PRDM4: variants seen among roughly 807,000 people sequenced by gnomAD.
PRDM4 encodes PR domain zinc finger protein 4.
Under a neutral mutation model 62.3 loss-of-function variants are expected in PRDM4, and 38 were observed. That is an observed-to-expected ratio of 0.61 (90% CI 0.47 to 0.80). The LOEUF is 0.80. Among genes scored for constraint, PRDM4 ranks in the 30% least tolerant of loss-of-function variants. The pLI, the probability that PRDM4 is intolerant of heterozygous loss-of-function variation, is 0.00. For missense variants in PRDM4, 858 were observed against 997.1 expected (o/e 0.86, Z 1.88); for synonymous variants, 339 against 348.2 (o/e 0.97, Z 0.30).
intron 7 of PRDM4, 46 bp from the exon 8 acceptor site, chr12:107,743,328 A>C (rs1890581240): frequency 3.0e-6 from 4 of 1,344,582 alleles, no homozygotes; most frequent in Non-Finnish European, 4.3e-6. Context: ...CTGACATGCA[A>C]TAAAGCACTA....
At chr12:107,734,625 CCTT>C in intron 11 of PRDM4, 103 bp from the exon 12 acceptor site, 1 of 1,107,410 alleles carries the variant, frequency 9.0e-7, no homozygotes, top group Non-Finnish European at 1.3e-6. Context: ...GCAGCTCTAT[CCTT>C]CTGAATCAGG....
intron 10 of PRDM4, among the ~76,000 whole-genome samples, chr12:107,740,694 A>G (rs1053142319): frequency 1.3e-5 from 2 of 152,122 alleles, no homozygotes; most frequent in African/African-American, 4.8e-5. Context: ...ATTTAAGACC[A>G]AACACATTGA....
At position 107,740,947 on chromosome 12, in the gene PRDM4, T is replaced by A. The variant is rs761861088; in HGVS notation, c.1923A>T (p.Thr641=). ...TTCTGATGGGCCAACACAACTTACC[T>A]GTATGTATCTTGAGGTGGGTCCGCA... ...SNLRTHLKIH[T]GQKNYRCTLC... Residue 641 remains threonine (T), a splice_region_variant and synonymous_variant, in exon 10 of 12, where the codon ACA becomes ACT. Coordinates refer to ENST00000228437, the MANE Select transcript of PRDM4 (RefSeq NM_012406.4). 1 of 1,612,080 alleles carries A rather than the reference T, an allele frequency of 6.2e-7. No individual in the cohort carries two copies. Among genetic ancestry groups the A allele is most frequent in the Non-Finnish European group, 8.5e-7 (1 of 1,178,622 alleles).
chr12:107,759,608 G>A (rs1001753181), intron 2 of PRDM4, among the ~76,000 whole-genome samples: 3 of 152,154 alleles, frequency 2.0e-5, no homozygotes, highest in Admixed American at 1.3e-4. Flanking sequence ...GCAGATTTCT[G>A]CTTTGTTGTG....
intron 11 of PRDM4, chr12:107,736,722 T>C (rs1049429955): frequency 3.3e-5 from 5 of 151,618 alleles, no homozygotes; most frequent in Admixed American, 1.3e-4. Context: ...TGTTGCGGAG[T>C]AGATGAGGAG....
At chr12:107,739,697 T>A in intron 10 of PRDM4, 146 bp from the exon 11 acceptor site, 1 of 700,560 alleles carries the variant, frequency 1.4e-6, no homozygotes, top group Admixed American at 3.3e-5. Flanking sequence ...GGGTTGTCTA[T>A]GTGAGACCAC....
intron 5 of PRDM4, among the ~76,000 whole-genome samples, chr12:107,747,336 CCA>C (rs896252738): frequency 1.3e-5 from 2 of 151,622 alleles, no homozygotes; most frequent in African/African-American, 4.8e-5. Context: ...GGCTCTGACC[CCA>C]GTGACCTATG....
chr12:107,739,636 C>T, intron 10 of PRDM4, 85 bp from the exon 11 acceptor site: 1 of 1,377,330 alleles, frequency 7.3e-7, no homozygotes, highest in Admixed American at 2.1e-5. Context: ...GTGCATGCAG[C>T]AGAGGCAGGA....
chr12:107,756,749 G>C lies in PRDM4; in HGVS notation c.145+83C>G, dbSNP rs906780580. 5 of 1,500,642 alleles carry C rather than the reference G, an allele frequency of 3.3e-6. No individual in the cohort carries two copies. The African/African-American group carries it at 6.9e-5, about 21-fold the overall frequency. 93.0% of individuals were successfully genotyped at this position (1,500,642 alleles called of 1,614,324 possible). ...TCCCTTCTACCTTCTACCCTTAAAG[G>C]GGCTCTGATCTCTTCTAGACTCCAT... is the stretch of plus-strand genomic sequence containing the variant. On this transcript the variant is annotated intron_variant, in intron 3 of 11. Transcript: ENST00000228437.
chr12:107,760,481 G>A (rs1039889392), intron 2 of PRDM4, 24 bp downstream of exon 2: 1 of 1,613,212 alleles, frequency 6.2e-7, no homozygotes, highest in African/African-American at 1.3e-5. Context: ...TGTCACCAGT[G>A]CTGAAGCCCA....
chr12:107,751,227 G>A (rs1011666745), intron 5 of PRDM4, among the ~76,000 whole-genome samples, 188 bp downstream of exon 5: 4 of 152,204 alleles, frequency 2.6e-5, no homozygotes, highest in Non-Finnish European at 5.9e-5. Context: ...CTAAATGTAT[G>A]TATATCATTT....
chr12:107,738,285 A>C (rs1247435170), intron 11 of PRDM4: 1 of 152,186 alleles, frequency 6.6e-6, no homozygotes, highest in African/African-American at 2.4e-5. Flanking sequence ...ATTTCTGTCT[A>C]ATTTTGTAAA....
intron 4 of PRDM4, 36 bp from the exon 5 acceptor site, chr12:107,752,245 T>TA: frequency 6.9e-7 from 1 of 1,454,520 alleles, no homozygotes; most frequent in Non-Finnish European, 9.6e-7. Flanking sequence ...CAGAGACTTT[T>TA]AGTACATTAT....
chr12:107,747,896 A>G (rs531290259), intron 5 of PRDM4, among the ~76,000 whole-genome samples: 1 of 152,234 alleles, frequency 6.6e-6, no homozygotes, highest in East Asian at 1.9e-4. Flanking sequence ...GACCACAGGC[A>G]TGCACCACCA....
At chr12:107,751,174 T>C (rs539092484) in intron 5 of PRDM4, among the ~76,000 whole-genome samples, 86 of 152,340 alleles carry the variant, frequency 5.6e-4, no homozygotes, top group Non-Finnish European at 9.8e-4. Flanking sequence ...CAAAAATGAC[T>C]ACTTCACATT....
chr12:107,745,582 A>T (rs1890675261), intron 6 of PRDM4, among the ~76,000 whole-genome samples: 1 of 152,210 alleles, frequency 6.6e-6, no homozygotes, highest in Non-Finnish European at 1.5e-5. Context: ...CCAGTCTCTT[A>T]AAAATAAATA....
chr12:107,742,088 G>C, intron 9 of PRDM4, 133 bp downstream of exon 9: 1 of 972,412 alleles, frequency 1.0e-6, no homozygotes, highest in Non-Finnish European at 1.5e-6. Context: ...TCAAATACAA[G>C]TAATAGTTTG....
At chr12:107,752,988 T>C (rs1371567863) in intron 4 of PRDM4, among the ~76,000 whole-genome samples, 1 of 152,074 alleles carries the variant, frequency 6.6e-6, no homozygotes, top group Admixed American at 6.6e-5. Flanking sequence ...AGGATAATTA[T>C]GAAAACCACG....
intron 5 of PRDM4, among the ~76,000 whole-genome samples, 177 bp from the exon 6 acceptor site, chr12:107,746,601 G>C (rs1424059114): frequency 6.6e-6 from 1 of 151,584 alleles, no homozygotes; most frequent in Non-Finnish European, 1.5e-5. Context: ...TCTCCTGTCT[G>C]AGCCTCCCAT....
Sources: gnomAD v4.1 joint callset for allele counts (sites outside exome capture counted in the v4.1 genomes callset) on GRCh38, gnomAD v4.1.1 for gene constraint, MANE v1.5 for transcripts, NCBI Gene and HGNC (gene_info 2026-07-23, HGNC 2026-07-21) for gene names.